The following PTK2 variants were observed in gnomAD, a reference collection of about 807,000 sequenced individuals.
PTK2 encodes the protein focal adhesion kinase 1.
Under a neutral mutation model 150.1 loss-of-function variants are expected in PTK2, and 45 were observed. The ratio of observed to expected loss-of-function variants is 0.30; its 90% CI spans 0.24 to 0.38. PTK2 has a LOEUF of 0.38. PTK2 is among the 10% of genes least tolerant of loss of function. PTK2 has a pLI of 1.00. For missense variants in PTK2, 919 were observed against 1,307.3 expected (o/e 0.70, Z 4.58); for synonymous variants, 432 against 449.2 (o/e 0.96, Z 0.48).
At chr8:140,895,794 T>C (rs1415143338) in intron 2 of PTK2, among the ~76,000 whole-genome samples, 3 of 152,186 alleles carry the variant, frequency 2.0e-5, no homozygotes, top group Non-Finnish European at 4.4e-5. Context: ...GTGATTATTA[T>C]GCACTGTATG....
chr8:140,727,382 C>CA (rs1413087468), intron 22 of PTK2, among the ~76,000 whole-genome samples: 2 of 150,338 alleles, frequency 1.3e-5, no homozygotes, highest in African/African-American at 4.9e-5. Context: ...AGAACACAAA[C>CA]AAAAAACTCC....
At chr8:140,943,704 G>GTAC (rs1193367212) in intron 1 of PTK2, among the ~76,000 whole-genome samples, 6 of 152,102 alleles carry the variant, frequency 3.9e-5, no homozygotes, top group African/African-American at 1.4e-4. Context: ...AAGCAGGAGA[G>GTAC]TACTAACTGT....
chr8:140,959,843 C>T (rs1225092111), intron 1 of PTK2, among the ~76,000 whole-genome samples: 2 of 151,646 alleles, frequency 1.3e-5, no homozygotes, highest in Non-Finnish European at 2.9e-5. Context: ...CCCCCACCAC[C>T]CTCCTTTTCC....
chr8:140,961,480 T>G (rs2100183155), intron 1 of PTK2, among the ~76,000 whole-genome samples: 2 of 151,970 alleles, frequency 1.3e-5, no homozygotes. Flanking sequence ...GCTAACACAG[T>G]GAAACCCTGT....
intron 1 of PTK2, among the ~76,000 whole-genome samples, chr8:140,995,594 G>C (rs928683165): frequency 6.6e-6 from 1 of 151,780 alleles, no homozygotes; most frequent in Admixed American, 6.6e-5. Flanking sequence ...CTGAGCTCAG[G>C]AGTTTGAGAA....
intron 26 of PTK2, among the ~76,000 whole-genome samples, chr8:140,699,798 A>G (rs956341946): frequency 4.0e-5 from 6 of 151,774 alleles, no homozygotes; most frequent in African/African-American, 1.5e-4. Flanking sequence ...CAAATAACCC[A>G]TTATTGCAAG....
chr8:140,744,976 T>C (rs530582994), intron 18 of PTK2, among the ~76,000 whole-genome samples: 9 of 152,296 alleles, frequency 5.9e-5, no homozygotes, highest in African/African-American at 1.9e-4. Context: ...TGAAATCCTA[T>C]CATGAAATTA....
rs139217200 is a variant in PTK2, at chr8:140,874,908, C to T, written c.362+4563G>A. On this transcript the variant is annotated intron_variant, in intron 4 of 31. Transcript: ENST00000522684. ...TTAGTCAGTTTTCATTCAAATATTG[C>T]TTATTGGGTGCCTATTGTATACCAG... Among the ~76,000 whole-genome samples, 685 of 152,220 alleles carry T rather than the reference C, an allele frequency of 4.5e-3. 4 individuals carry two copies. The highest frequency in any genetic ancestry group is 0.016 in the African/African-American group (649 of 41,530).
chr8:140,932,230 T>C (rs1332186581), intron 1 of PTK2, among the ~76,000 whole-genome samples: 4 of 152,228 alleles, frequency 2.6e-5, no homozygotes, highest in Non-Finnish European at 5.9e-5. Flanking sequence ...TTCTTTTTTT[T>C]CTTTTTTTGA....
intron 10 of PTK2, among the ~76,000 whole-genome samples, chr8:140,811,617 A>T (rs1434884831): frequency 2.0e-5 from 3 of 152,244 alleles, no homozygotes; most frequent in Non-Finnish European, 4.4e-5. Context: ...AATGAAGATC[A>T]TTGAGATGTA....
intron 6 of PTK2, 58 bp downstream of exon 6, chr8:140,846,541 T>C: frequency 2.2e-6 from 3 of 1,381,624 alleles, no homozygotes; most frequent in Non-Finnish European, 3.0e-6. Context: ...CTGGAAAATA[T>C]TCAAAAATAA....
chr8:140,982,580 G>A (rs2100191838), intron 1 of PTK2, among the ~76,000 whole-genome samples: 1 of 152,048 alleles, frequency 6.6e-6, no homozygotes, highest in Non-Finnish European at 1.5e-5. Flanking sequence ...CTGGGCAACT[G>A]AGCAAGACTC....
intron 23 of PTK2, among the ~76,000 whole-genome samples, chr8:140,709,129 A>G (rs2154176221): frequency 6.6e-6 from 1 of 152,310 alleles, no homozygotes; most frequent in Non-Finnish European, 1.5e-5. Context: ...ATAGGGGCAT[A>G]TAGGTGGTAA....
rs147871528 is a variant in PTK2, at chr8:140,787,204, C to T, written c.1177+2270G>A. ...TACCTAGGAAGAAAAAATGAAAGCA[C>T]GATCACAAGTAATTCAGGGGGGTGT... On this transcript the variant is annotated intron_variant, in intron 14 of 31. Coordinates refer to ENST00000522684, the Ensembl canonical transcript of PTK2. Among the ~76,000 whole-genome samples the T allele has an allele frequency of 1.3e-3, 199 of 152,222 alleles. 1 individual carries two copies. Among genetic ancestry groups the T allele is most frequent in the African/African-American group, 4.6e-3 (192 of 41,516 alleles).
chr8:140,826,686 C>G (rs2100111953), intron 8 of PTK2, among the ~76,000 whole-genome samples: 1 of 151,954 alleles, frequency 6.6e-6, no homozygotes, highest in South Asian at 2.1e-4. Context: ...GAGGCGGAGG[C>G]GGGTGGATGG....
intron 12 of PTK2, among the ~76,000 whole-genome samples, chr8:140,798,606 G>A (rs979527221): frequency 1.3e-5 from 2 of 152,128 alleles, no homozygotes; most frequent in African/African-American, 4.8e-5. Context: ...AGATGTTTAC[G>A]TTTTAAACAT....
chr8:140,816,183 A>G (rs1196477180), intron 10 of PTK2, among the ~76,000 whole-genome samples: 1 of 152,218 alleles, frequency 6.6e-6, no homozygotes, highest in African/African-American at 2.4e-5. Context: ...TATGCTCACA[A>G]TATAAATTTT....
At chr8:140,711,209 C>T (rs1241261610) in intron 23 of PTK2, among the ~76,000 whole-genome samples, 4 of 152,068 alleles carry the variant, frequency 2.6e-5, no homozygotes, top group Non-Finnish European at 4.4e-5. Context: ...TGAGTTTAAG[C>T]GATTCTCGTG....
At chr8:140,662,158 G>A (rs1048666826) in intron 31 of PTK2, among the ~76,000 whole-genome samples, 43 of 152,190 alleles carry the variant, frequency 2.8e-4, no homozygotes, top group African/African-American at 9.6e-4. Flanking sequence ...TTAGCTGGGC[G>A]TGGTGGTATA....
Sources: gnomAD v4.1 joint callset for allele counts (sites outside exome capture counted in the v4.1 genomes callset) on GRCh38, gnomAD v4.1.1 for gene constraint, MANE v1.5 for transcripts, NCBI Gene and HGNC (gene_info 2026-07-23, HGNC 2026-07-21) for gene names.